Variants in BIRC6 observed in about 807,000 individuals in gnomAD.
The protein encoded by BIRC6 is baculoviral IAP repeat containing 6.
In BIRC6, 98 loss-of-function variants were observed where a neutral mutation model predicts 503.3. The observed-to-expected ratio is 0.19, with a 90% confidence interval of 0.17 to 0.23. The LOEUF (loss-of-function observed/expected upper bound fraction) is 0.23. BIRC6 is among the 10% of genes least tolerant of loss of function. BIRC6 has a pLI of 1.00. For synonymous variants in BIRC6, 2,240 were observed against 2,078.7 expected, an observed-to-expected ratio of 1.08 and a Z score of -2.11; for missense variants, 5,360 against 5,806.0, an observed-to-expected ratio of 0.92 and a Z score of 2.50.
intron 16 of BIRC6, among the ~76,000 whole-genome samples, chr2:32,440,738 TTG>T (rs889126122): frequency 6.7e-6 from 1 of 150,150 alleles, no homozygotes; most frequent in Non-Finnish European, 1.5e-5. Context: ...TTTTATTTTA[TTG>T]TGTTTATTTA....
At chr2:32,590,779 T>G (rs1488660977) in intron 66 of BIRC6, 1 of 985,412 alleles carries the variant, frequency 1.0e-6, no homozygotes, top group East Asian at 1.1e-4. Context: ...TAGTGGAAAC[T>G]TCAGTTGCTT....
intron 10 of BIRC6, among the ~76,000 whole-genome samples, chr2:32,422,351 C>G (rs938687020): frequency 1.2e-4 from 18 of 151,566 alleles, no homozygotes; most frequent in African/African-American, 4.1e-4. Context: ...CTTTGTTACT[C>G]CTTCACTGCA....
chr2:32,529,853 A>G, intron 60 of BIRC6, 29 bp downstream of exon 60: 2 of 1,430,826 alleles, frequency 1.4e-6, no homozygotes, highest in Non-Finnish European at 1.9e-6. Flanking sequence ...TTTAAAAATT[A>G]CAGACTGTCA....
chr2:32,510,598 A>G lies in BIRC6; in HGVS notation c.10310A>G (p.Gln3437Arg), dbSNP rs1390989088. 3 of 1,608,718 alleles carry G rather than the reference A, an allele frequency of 1.9e-6. No homozygotes were observed. The highest frequency in any genetic ancestry group is 2.2e-5 in the South Asian group (2 of 90,968). The stretch of plus-strand genomic sequence containing the variant: ...GACTCTACGATAGATATTCTTTACC[A>G]GCTTGGAACAACTCAGGATCCTGGT... Reference protein sequence around the residue: ...SSDSTIDILYQLGTTQDPGTK... With the variant: ...SSDSTIDILYRLGTTQDPGTK... Residue 3437 changes from glutamine (Q) to arginine (R), a missense_variant, in exon 53 of 74, where the codon CAG becomes CGG. Gln to Arg is a conservative substitution (Grantham distance 43, BLOSUM62 1). This residue lies in a region of BIRC6 where 878 missense variants were observed against 928.9 expected (regional missense o/e 0.95). Coordinates refer to ENST00000421745, the MANE Select transcript of BIRC6 (RefSeq NM_016252.4).
intron 9 of BIRC6, among the ~76,000 whole-genome samples, chr2:32,409,839 G>C (rs1277461489): frequency 6.6e-6 from 1 of 152,206 alleles, no homozygotes; most frequent in Non-Finnish European, 1.5e-5. Context: ...TTTTGGCCTA[G>C]TAGGTTTTAG....
chr2:32,446,831 T>C (rs1382714919), intron 21 of BIRC6, among the ~76,000 whole-genome samples: 13 of 112,480 alleles, frequency 1.2e-4, no homozygotes, highest in Admixed American at 8.3e-4. Context: ...AGGACAATAG[T>C]GGAGGGAAGG....
rs116515219 is a variant in BIRC6, at chr2:32,364,957, G to A, written c.325+7471G>A. On this transcript the variant is annotated intron_variant, in intron 1 of 73. Coordinates refer to ENST00000421745, the MANE Select transcript of BIRC6 (RefSeq NM_016252.4). ...ATTCCTGGCTAACTTCGGTACATGC[G>A]GCATTCCTACTCTCAACTATTCTTT... is the stretch of plus-strand genomic sequence containing the variant. 5.4e-3 allele frequency among the ~76,000 whole-genome samples: 820 copies of A among 152,138 alleles called. 11 individuals carry two copies. Among genetic ancestry groups the A allele is most frequent in the African/African-American group, 0.019 (771 of 41,522 alleles).
intron 47 of BIRC6, among the ~76,000 whole-genome samples, chr2:32,502,129 A>AT (rs2053264106): frequency 6.6e-6 from 1 of 152,192 alleles, no homozygotes; most frequent in South Asian, 2.1e-4. Context: ...TGAGTTTTAG[A>AT]TTTTTTAATA....
Position 32,441,361 on chromosome 2 carries a change from A to T in BIRC6, c.3843A>T (p.Thr1281=). The change falls in exon 17 of 74, where the codon ACA becomes ACT. Residue 1281 remains threonine (T), a synonymous_variant. Transcript: ENST00000421745. ...EKSSNVKNEN[T]SGTRKSENLR... ...CATCTAATGTTAAGAATGAAAATAC[A>T]AGTGGCACCCGTAAATCTGAAAACC... 6.3e-7 allele frequency: 1 copy of T among 1,594,868 alleles called. No individual in the cohort carries two copies. Among genetic ancestry groups the T allele is most frequent in the South Asian group, 1.1e-5 (1 of 89,312 alleles).
chr2:32,357,593 T>C lies in BIRC6; in HGVS notation c.325+107T>C. ...AAGCGAGATGGCGAGAGGGCAGGGCTGGGGGTTCGGGCCCAGCCGTGAAGG... is the reference window on the plus strand; with the variant it reads ...AAGCGAGATGGCGAGAGGGCAGGGCCGGGGGTTCGGGCCCAGCCGTGAAGG... On this transcript the variant is annotated intron_variant, in intron 1 of 73. Coordinates refer to ENST00000421745, the MANE Select transcript of BIRC6 (RefSeq NM_016252.4). This position sits in a 1 kb window ranked among gnomAD's most constrained non-coding sequence, Gnocchi z 4.9. 1 of 1,473,140 alleles carries C rather than the reference T, an allele frequency of 6.8e-7. No individual in the cohort carries two copies. The highest frequency in any genetic ancestry group is 1.3e-5 in the South Asian group (1 of 75,906). The allele number at this position is 1,473,140 out of a possible 1,614,324, so 91.3% of individuals were successfully genotyped here.
intron 55 of BIRC6, among the ~76,000 whole-genome samples, chr2:32,516,055 C>T (rs2055000498): frequency 6.6e-6 from 1 of 152,170 alleles, no homozygotes; most frequent in African/African-American, 2.4e-5. Context: ...CCCAAAAAAA[C>T]ATTTCAGCTG....
intron 1 of BIRC6, among the ~76,000 whole-genome samples, chr2:32,370,113 T>TA (rs1198826334): frequency 6.6e-6 from 1 of 150,604 alleles, no homozygotes; most frequent in Non-Finnish European, 1.5e-5. Context: ...TTCAGCATCC[T>TA]AAAGGAATAA....
At chr2:32,479,915 G>C (rs1191501211) in intron 37 of BIRC6, among the ~76,000 whole-genome samples, 1 of 151,994 alleles carries the variant, frequency 6.6e-6, no homozygotes, top group African/African-American at 2.4e-5. Context: ...AGTTTTAAAA[G>C]CTCTTATTCT....
At chr2:32,375,965 CAGG>C (rs2036711796) in intron 1 of BIRC6, among the ~76,000 whole-genome samples, 1 of 151,958 alleles carries the variant, frequency 6.6e-6, no homozygotes, top group Non-Finnish European at 1.5e-5. Flanking sequence ...GCGGGCAGAT[CAGG>C]AGGTCAGGAG....
intron 61 of BIRC6, among the ~76,000 whole-genome samples, chr2:32,541,032 A>G (rs952975944): frequency 2.6e-5 from 4 of 151,960 alleles, no homozygotes; most frequent in Non-Finnish European, 5.9e-5. Context: ...ATAAATTGAG[A>G]GCTCTTTGAT....
Position 32,598,680 on chromosome 2 carries a change from G to A in BIRC6, c.13830+712G>A, listed in dbSNP as rs186498346. Among the ~76,000 whole-genome samples the A allele has an allele frequency of 1.8e-3, 275 of 152,100 alleles. 1 individual carries two copies. Among genetic ancestry groups the A allele is most frequent in the African/African-American group, 6.3e-3 (261 of 41,498 alleles). ...TAAACATTCTGTCTTCCATAGATAC[G>A]CAGCTAAAACTATTGGCCCATTGAC... On this transcript the variant is annotated intron_variant, in intron 69 of 73. Coordinates refer to ENST00000421745, the MANE Select transcript of BIRC6 (RefSeq NM_016252.4).
At chr2:32,597,638 A>G (rs556300481) in intron 68 of BIRC6, 113 bp from the exon 69 acceptor site, 77 of 739,206 alleles carry the variant, frequency 1.0e-4, no homozygotes, top group Admixed American at 5.8e-4. Flanking sequence ...CTATTCTTCC[A>G]TGGTTGGAAG....
rs1305167372 is a variant in BIRC6 at position 32,510,599 on chromosome 2, G to C, written c.10311G>C (p.Gln3437His). The C allele has an allele frequency of 6.2e-7, 1 of 1,608,560 alleles. No homozygotes were observed. Among genetic ancestry groups the C allele is most frequent in the Non-Finnish European group, 8.5e-7 (1 of 1,175,308 alleles). The change falls in exon 53 of 74, where the codon CAG becomes CAC. Residue 3437 changes from glutamine to histidine, a missense_variant. Gln to His is a conservative substitution (Grantham distance 24, BLOSUM62 0). Transcript: ENST00000421745. ...SSDSTIDILY[Q>H]LGTTQDPGTK... ...ACTCTACGATAGATATTCTTTACCA[G>C]CTTGGAACAACTCAGGATCCTGGTA...
At position 32,545,637 on chromosome 2, in the gene BIRC6, A is replaced by T; in HGVS notation, c.12593-6A>T. On this transcript the variant is annotated splice_polypyrimidine_tract_variant and splice_region_variant and intron_variant, in intron 62 of 73. Transcript: ENST00000421745. Reference sequence around the variant, plus strand: ...AATCTTGAGTCCTCTTCTTTCTTCAATCTAGGTCATATTCTTCAATCTCCA... The same window carrying T: ...AATCTTGAGTCCTCTTCTTTCTTCATTCTAGGTCATATTCTTCAATCTCCA... The T allele has an allele frequency of 6.2e-7, 1 of 1,607,234 alleles. No individual in the cohort carries two copies. Among genetic ancestry groups the T allele is most frequent in the Non-Finnish European group, 8.5e-7 (1 of 1,173,990 alleles).
Sources: allele counts gnomAD v4.1 joint callset (sites outside exome capture counted in the v4.1 genomes callset), GRCh38; gene constraint gnomAD v4.1.1; regional missense constraint gnomAD v4.1.1; non-coding constraint Gnocchi (gnomAD v3.1); transcripts MANE v1.5; gene names NCBI Gene and HGNC (gene_info 2026-07-23, HGNC 2026-07-21).